The following DNAH6 variants were observed in gnomAD, a reference collection of about 807,000 sequenced individuals.
DNAH6 encodes axonemal beta dynein heavy chain 6.
In DNAH6, 340 loss-of-function variants were observed where a neutral mutation model predicts 491.4. That is an observed-to-expected ratio of 0.69 (90% CI 0.63 to 0.76). The LOEUF is 0.76. DNAH6 is among the 30% of genes least tolerant of loss of function. The probability of loss-of-function intolerance (pLI) is 0.00; values close to 1 mark genes in which losing one functional copy is unlikely to be tolerated. For missense variants in DNAH6, 4,443 were observed against 4,972.2 expected, an observed-to-expected ratio of 0.89 and a Z score of 3.20; for synonymous variants, 1,603 against 1,686.1, an observed-to-expected ratio of 0.95 and a Z score of 1.21.
chr2:84,492,231 T>A, the DNAH6 span, among the ~76,000 whole-genome samples: 1,140 of 152,340 alleles, frequency 7.5e-3, 9 homozygotes, highest in Middle Eastern at 0.02. Flanking sequence ...ATAATGACAC[T>A]GTTTTTAGTA....
the DNAH6 span, among the ~76,000 whole-genome samples, chr2:84,494,948 T>C: frequency 6.6e-6 from 1 of 152,190 alleles, no homozygotes; most frequent in Non-Finnish European, 1.5e-5. Flanking sequence ...CCAATGCTGC[T>C]AGTCAATGGA....
At chr2:84,734,601 T>C (rs1699390275) in intron 62 of DNAH6, among the ~76,000 whole-genome samples, 1 of 152,254 alleles carries the variant, frequency 6.6e-6, no homozygotes, top group Non-Finnish European at 1.5e-5. Context: ...ATGTCATTTC[T>C]TGAATGCAAG....
At chr2:84,697,424 C>A in intron 46 of DNAH6, 151 bp from the exon 47 acceptor site, 2 of 805,506 alleles carry the variant, frequency 2.5e-6, no homozygotes, top group African/African-American at 1.7e-5. Context: ...AGTGTACTTG[C>A]TATGTTAGAA....
At chr2:84,624,752 A>G (rs1687702062) in intron 28 of DNAH6, 132 bp downstream of exon 28, 2 of 1,232,980 alleles carry the variant, frequency 1.6e-6, no homozygotes, top group Non-Finnish European at 2.2e-6. Context: ...AAATATTTGC[A>G]TTATTTAATT....
chr2:84,672,684 CT>C (rs1692849926), intron 40 of DNAH6, among the ~76,000 whole-genome samples, 200 bp downstream of exon 40: 1 of 152,164 alleles, frequency 6.6e-6, no homozygotes, highest in South Asian at 2.1e-4. Context: ...ACACTCTTTC[CT>C]TATGTCTTTA....
Position 84,634,522 on chromosome 2 carries a change from A to G in DNAH6, c.4534A>G (p.Ser1512Gly). Residue 1512 changes from serine (S) to glycine (G), a missense_variant, in exon 30 of 77, where the codon AGT becomes GGT. By Grantham distance (56) the Ser-to-Gly change is moderately conservative. Coordinates refer to ENST00000389394, the MANE Select transcript of DNAH6 (RefSeq NM_001370.2). The part of the protein sequence containing the change: ...LDYKMMGRFF[S>G]GLAQSGAWCC... ...ATTTCAGATGATGGGGCGCTTCTTCAGTGGCTTGGCACAGTCAGGGGCCTG... is the reference window on the plus strand; with the variant it reads ...ATTTCAGATGATGGGGCGCTTCTTCGGTGGCTTGGCACAGTCAGGGGCCTG... 2 of 1,543,558 alleles carry G rather than the reference A, an allele frequency of 1.3e-6. No homozygotes were observed. The highest frequency in any genetic ancestry group is 2.5e-5 in the East Asian group (1 of 40,588).
At chr2:84,501,773 G>C in the DNAH6 span, among the ~76,000 whole-genome samples, 2 of 149,576 alleles carry the variant, frequency 1.3e-5, no homozygotes, top group Non-Finnish European at 3.0e-5. Flanking sequence ...TAAGTGTCTA[G>C]AAATTTGTTC....
chr2:84,719,340 C>CA (rs1334166215), intron 59 of DNAH6, among the ~76,000 whole-genome samples: 1 of 151,910 alleles, frequency 6.6e-6, no homozygotes, highest in Admixed American at 6.6e-5. Context: ...TGTGTTAACC[C>CA]ACTTATTTTT....
At chr2:84,672,292 A>G (rs1264900990) in intron 39 of DNAH6, 35 bp from the exon 40 acceptor site, 4 of 1,536,370 alleles carry the variant, frequency 2.6e-6, no homozygotes, top group African/African-American at 1.4e-5. Context: ...AGGGAAAATC[A>G]TAATTCTTAA....
At chr2:84,667,328 A>G (rs1692235465) in intron 37 of DNAH6, among the ~76,000 whole-genome samples, 1 of 152,194 alleles carries the variant, frequency 6.6e-6, no homozygotes, top group Admixed American at 6.5e-5. Context: ...AGAATGGGAG[A>G]AAATTTTTAC....
At chr2:84,502,342 T>C in the DNAH6 span, among the ~76,000 whole-genome samples, 1 of 152,202 alleles carries the variant, frequency 6.6e-6, no homozygotes, top group African/African-American at 2.4e-5. Context: ...ATTCCTCCTG[T>C]TATTAATTTC....
intron 26 of DNAH6, among the ~76,000 whole-genome samples, 176 bp from the exon 27 acceptor site, chr2:84,624,089 C>T (rs1399077456): frequency 1.3e-5 from 2 of 152,138 alleles, no homozygotes; most frequent in Non-Finnish European, 2.9e-5. Flanking sequence ...GTATATATTT[C>T]ACAGAAGTCT....
intron 48 of DNAH6, among the ~76,000 whole-genome samples, chr2:84,700,268 CA>C (rs1382581703): frequency 6.6e-6 from 1 of 152,176 alleles, no homozygotes; most frequent in East Asian, 1.9e-4. Context: ...AATGAGTCAT[CA>C]AAGAAGGGGC....
intron 62 of DNAH6, among the ~76,000 whole-genome samples, chr2:84,742,264 T>A (rs1173530600): frequency 1.3e-5 from 2 of 152,186 alleles, no homozygotes; most frequent in Non-Finnish European, 2.9e-5. Context: ...TACTTTCCAT[T>A]TTTTGTGTGT....
At chr2:84,461,870 C>G in the DNAH6 span, among the ~76,000 whole-genome samples, 1 of 152,182 alleles carries the variant, frequency 6.6e-6, no homozygotes, top group Admixed American at 6.5e-5. Context: ...CTACTTCTCT[C>G]TGAAGTTTGA....
intron 33 of DNAH6, among the ~76,000 whole-genome samples, chr2:84,642,803 A>T (rs932268682): frequency 6.6e-6 from 1 of 152,166 alleles, no homozygotes; most frequent in Admixed American, 6.6e-5. Flanking sequence ...CATTCATTTT[A>T]CTTATATATG....
chr2:84,769,760 G>T lies in DNAH6; in HGVS notation c.10703+6815G>T, dbSNP rs1234964455. 2.0e-5 allele frequency among the ~76,000 whole-genome samples: 3 copies of T among 152,164 alleles called. No individual in the cohort carries two copies. In the East Asian group the frequency reaches 5.8e-4, roughly 29 times the overall value. On this transcript the variant is annotated intron_variant, in intron 64 of 76. Coordinates refer to ENST00000389394, the MANE Select transcript of DNAH6 (RefSeq NM_001370.2). The stretch of plus-strand genomic sequence containing the variant: ...CAAATATATGAGCCACTGCCTCGTG[G>T]CCCAAGGGATAACAGTTGAGGCAAC...
chr2:84,621,284 T>C lies in DNAH6; in HGVS notation c.3886T>C (p.Cys1296Arg). 6.4e-7 allele frequency: 1 copy of C among 1,551,632 alleles called. No homozygotes were observed. The highest frequency in any genetic ancestry group is 8.7e-7 in the Non-Finnish European group (1 of 1,146,908). The part of the protein sequence containing the change: ...EAMFTSLRRL[C>R]KAAIADYQGK... ...CATGTTCACATCTCTGCGTCGCCTG[T>C]GCAAAGCTGCCATCGCTGACTATCA... Residue 1296 changes from cysteine to arginine, a missense_variant, in exon 25 of 77, where the codon TGC (cysteine) becomes CGC (arginine). Physicochemically the swap from Cys to Arg is radical, Grantham distance 180 (BLOSUM62 -3). Around this residue, in one of 3 missense-constraint regions of DNAH6, gnomAD observed 2,977 missense variants for 3,296.6 expected, o/e 0.90. Coordinates refer to ENST00000389394, the MANE Select transcript of DNAH6 (RefSeq NM_001370.2).
At chr2:84,713,795 C>T (rs1697272303) in intron 57 of DNAH6, among the ~76,000 whole-genome samples, 1 of 152,158 alleles carries the variant, frequency 6.6e-6, no homozygotes, top group Non-Finnish European at 1.5e-5. Flanking sequence ...ACTCTAGGAA[C>T]AAGACAACAC....
Sources: gnomAD v4.1 joint callset for allele counts (sites outside exome capture counted in the v4.1 genomes callset) on GRCh38, gnomAD v4.1.1 for gene constraint, gnomAD v4.1.1 regional missense constraint, MANE v1.5 for transcripts, NCBI Gene and HGNC (gene_info 2026-07-23, HGNC 2026-07-21) for gene names.